Variants in RIPOR3 observed in about 807,000 individuals in gnomAD.
RIPOR3 encodes the protein RIPOR family member 3.
In RIPOR3, 95 loss-of-function variants were observed where a neutral mutation model predicts 114.3. The ratio of observed to expected loss-of-function variants is 0.83; its 90% confidence interval spans 0.70 to 0.99. The LOEUF is 0.99. Ranked by LOEUF, RIPOR3 falls within the 50% of genes least tolerant of loss-of-function variation. The pLI is 0.00. For missense variants in RIPOR3, 1,252 were observed against 1,266.9 expected (o/e 0.99, Z 0.18); for synonymous variants, 575 against 543.8 (o/e 1.06, Z -0.80).
chr20:50,607,338 AGTGATGCTCAGCCTGGCCC>A (rs559775425), intron 11 of RIPOR3, among the ~76,000 whole-genome samples: 8,159 of 152,268 alleles, frequency 0.054, 324 homozygotes, highest in Non-Finnish European at 0.081. Context: ...CACCGAGGCA[AGTGATGCTCAGCCTGGCCC>A]GTGATGCTCA....
chr20:50,646,971 C>T (rs760194112), intron 1 of RIPOR3, among the ~76,000 whole-genome samples: 6 of 152,130 alleles, frequency 3.9e-5, no homozygotes, highest in Non-Finnish European at 7.3e-5. Flanking sequence ...GGAAATGTGG[C>T]TAGCATAGGT....
chr20:50,654,899 C>T (rs1011147842), intron 1 of RIPOR3, among the ~76,000 whole-genome samples: 7 of 152,190 alleles, frequency 4.6e-5, no homozygotes, highest in African/African-American at 1.7e-4. Flanking sequence ...GCACGCACCA[C>T]CACACCAGCT....
At chr20:50,657,930 T>G (rs2085867510) in intron 1 of RIPOR3, among the ~76,000 whole-genome samples, 1 of 151,760 alleles carries the variant, frequency 6.6e-6, no homozygotes, top group Non-Finnish European at 1.5e-5. Flanking sequence ...TAATTTTTTT[T>G]TATTTTTATT....
chr20:50,596,009 C>T, intron 15 of RIPOR3, 131 bp downstream of exon 15: 1 of 1,317,774 alleles, frequency 7.6e-7, no homozygotes, highest in Non-Finnish European at 1.0e-6. Context: ...GGAATAGCTT[C>T]AGTCTCACGG....
At chr20:50,665,067 A>T (rs1021298050) in intron 1 of RIPOR3, among the ~76,000 whole-genome samples, 1 of 152,160 alleles carries the variant, frequency 6.6e-6, no homozygotes, top group Non-Finnish European at 1.5e-5. Context: ...ATGCCACTGC[A>T]TTCCAGCCTG....
At chr20:50,679,969 C>A (rs930530876) in intron 1 of RIPOR3, among the ~76,000 whole-genome samples, 3 of 152,088 alleles carry the variant, frequency 2.0e-5, no homozygotes, top group Non-Finnish European at 4.4e-5. Flanking sequence ...AACAAACAGA[C>A]AAACAAACAG....
chr20:50,597,609 C>G lies in RIPOR3; in HGVS notation c.1761G>C (p.Leu587=). 1.2e-6 allele frequency: 2 copies of G among 1,610,300 alleles called. No individual in the cohort carries two copies. The highest frequency in any genetic ancestry group is 1.7e-6 in the Non-Finnish European group (2 of 1,178,266). The change falls in exon 14 of 22, where the codon CTG becomes CTC. Residue 587 remains leucine, a synonymous_variant. Transcript: ENST00000327979. ...FLNADFALDE[L]SLFGGSQGLR... ...GACCCTGGGAGCCCCCAAACAGGGA[C>G]AGCTCATCCAGGGCGAAGTCGGCAT...
chr20:50,671,418 ACG>A (rs201780156), intron 1 of RIPOR3, among the ~76,000 whole-genome samples: 29 of 21,104 alleles, frequency 1.4e-3, no homozygotes, highest in African/African-American at 2.4e-3. Flanking sequence ...GCGCGCGTGC[ACG>A]CGCGCGCGCA....
intron 17 of RIPOR3, among the ~76,000 whole-genome samples, chr20:50,593,507 G>C (rs941974713): frequency 1.3e-5 from 2 of 152,142 alleles, no homozygotes; most frequent in African/African-American, 4.8e-5. Context: ...GGAGGTGGAG[G>C]TTGTAGTGAG....
intron 4 of RIPOR3, 21 bp downstream of exon 4, chr20:50,615,981 G>T: frequency 6.3e-7 from 1 of 1,595,224 alleles, no homozygotes; most frequent in Non-Finnish European, 8.5e-7. Flanking sequence ...TGGGTGGGAA[G>T]CAGGCAGGGA....
intron 14 of RIPOR3, chr20:50,597,366 G>A (rs982582119): frequency 9.6e-6 from 6 of 627,964 alleles, no homozygotes; most frequent in South Asian, 2.1e-5. Flanking sequence ...GCAGGCTGGG[G>A]TGATCTCACC....
chr20:50,668,299 G>A (rs1397931510), intron 1 of RIPOR3, among the ~76,000 whole-genome samples: 1 of 152,128 alleles, frequency 6.6e-6, no homozygotes, highest in African/African-American at 2.4e-5. Context: ...AGGAAAGAGA[G>A]GAGGACATTC....
chr20:50,604,586 G>A (rs1337335226), intron 12 of RIPOR3, 59 bp downstream of exon 12: 4 of 1,530,984 alleles, frequency 2.6e-6, no homozygotes, highest in Non-Finnish European at 2.6e-6. Flanking sequence ...CCCAGCTCCT[G>A]CGTGCTGCCC....
chr20:50,638,846 A>C (rs1231995797), intron 1 of RIPOR3, among the ~76,000 whole-genome samples: 1 of 152,122 alleles, frequency 6.6e-6, no homozygotes, highest in African/African-American at 2.4e-5. Context: ...GACTGAGATG[A>C]GATGAGAGCA....
chr20:50,589,141 A>G (rs1178228793), intron 20 of RIPOR3, among the ~76,000 whole-genome samples: 1 of 149,248 alleles, frequency 6.7e-6, no homozygotes, highest in African/African-American at 2.5e-5. Context: ...CTAACACAAA[A>G]TGTTCTTATT....
At position 50,691,308 on chromosome 20, in the gene RIPOR3, C is replaced by A; in HGVS notation, c.-180G>T. ...CGCTGGTCCCGCTCTCTGGGAAGAT[C>A]GCCTTGAGGACCTGCTGCGCCCCGA... On this transcript the variant is annotated 5_prime_UTR_variant, in exon 1 of 22. Coordinates refer to ENST00000327979, the MANE Select transcript of RIPOR3 (RefSeq NM_001290268.2). 1.4e-6 allele frequency: 1 copy of A among 728,688 alleles called. No individual in the cohort carries two copies. Among genetic ancestry groups the A allele is most frequent in the Non-Finnish European group, 2.0e-6 (1 of 502,542 alleles). The allele number at this position is 728,688 out of a possible 1,614,324, so 45.1% of individuals were successfully genotyped here. A position where few individuals can be genotyped will look rare whatever the true frequency, so the allele number is the denominator to read the frequency against.
chr20:50,590,976 A>C (rs763067240), intron 19 of RIPOR3, among the ~76,000 whole-genome samples: 141 of 152,298 alleles, frequency 9.3e-4, no homozygotes, highest in Middle Eastern at 3.4e-3. Context: ...GGATCCTTGA[A>C]GCCAACTACT....
At chr20:50,631,453 G>T (rs1347701616) in intron 1 of RIPOR3, among the ~76,000 whole-genome samples, 1 of 152,210 alleles carries the variant, frequency 6.6e-6, no homozygotes, top group Non-Finnish European at 1.5e-5. Context: ...CAAAGGCCAG[G>T]ATGCATGAGG....
intron 4 of RIPOR3, among the ~76,000 whole-genome samples, chr20:50,613,818 T>C (rs1293733972): frequency 3.3e-5 from 5 of 152,176 alleles, no homozygotes; most frequent in African/African-American, 1.2e-4. Context: ...GGTGATATCT[T>C]GGCAGCACCT....
Sources: allele counts gnomAD v4.1 joint callset (sites outside exome capture counted in the v4.1 genomes callset), GRCh38; gene constraint gnomAD v4.1.1; transcripts MANE v1.5; gene names NCBI Gene and HGNC (gene_info 2026-07-23, HGNC 2026-07-21).